The following LMTK2 variants were observed in gnomAD, a reference collection of about 807,000 sequenced individuals.
The protein encoded by LMTK2 is lemur tail kinase 2, also known as serine/threonine-protein kinase LMTK2.
Under a neutral mutation model 127.5 loss-of-function variants are expected in LMTK2, and 37 were observed. That is an observed-to-expected ratio of 0.29 (90% CI 0.22 to 0.38). The LOEUF (loss-of-function observed/expected upper bound fraction) is 0.38. LMTK2 is among the 10% of genes least tolerant of loss of function. LMTK2 has a pLI of 1.00. For missense variants in LMTK2, 1,694 were observed against 1,920.3 expected (o/e 0.88, Z 2.20); for synonymous variants, 819 against 810.1 (o/e 1.01, Z -0.19).
chr7:98,150,589 A>C lies in LMTK2; in HGVS notation c.377-793A>C, dbSNP rs1472536369. 3.9e-5 allele frequency among the ~76,000 whole-genome samples: 6 copies of C among 152,194 alleles called. No homozygotes were observed. In the East Asian group the frequency reaches 1.2e-3, roughly 29 times the overall value. On this transcript the variant is annotated intron_variant, in intron 3 of 13. Transcript: ENST00000297293. ...TAGCATCTTGATTTGTGATAGCCTC[A>C]ACCTGTAAATGACATGAATGTCTGT...
At chr7:98,202,272 CT>C (rs1447091226) in intron 11 of LMTK2, among the ~76,000 whole-genome samples, 1 of 152,152 alleles carries the variant, frequency 6.6e-6, no homozygotes, top group Non-Finnish European at 1.5e-5. Context: ...CTGAGTTTTG[CT>C]TTTTGTCATT....
At chr7:98,165,603 G>T (rs571640011) in intron 6 of LMTK2, among the ~76,000 whole-genome samples, 1 of 152,186 alleles carries the variant, frequency 6.6e-6, no homozygotes, top group Non-Finnish European at 1.5e-5. Context: ...CCGGCCCTGT[G>T]TACTTTTATA....
At chr7:98,184,542 T>G (rs1170295741) in intron 7 of LMTK2, among the ~76,000 whole-genome samples, 1 of 150,728 alleles carries the variant, frequency 6.6e-6, no homozygotes, top group East Asian at 2.2e-4. Flanking sequence ...TTAGAGTGTT[T>G]GAGTTGTTCT....
At chr7:98,113,085 G>A (rs115331620) in intron 1 of LMTK2, among the ~76,000 whole-genome samples, 241 of 152,208 alleles carry the variant, frequency 1.6e-3, no homozygotes, top group African/African-American at 5.5e-3. Flanking sequence ...GATATGGTTT[G>A]GCTGTTTCCT....
intron 1 of LMTK2, among the ~76,000 whole-genome samples, chr7:98,123,139 C>T (rs1796391345): frequency 6.7e-6 from 1 of 148,996 alleles, no homozygotes. Context: ...CAACGCCCTG[C>T]AGCTCTTTTA....
chr7:98,151,328 T>C (rs1796850386), intron 3 of LMTK2, 54 bp from the exon 4 acceptor site: 10 of 1,185,424 alleles, frequency 8.4e-6, no homozygotes, highest in Non-Finnish European at 9.7e-6. Context: ...TTATAGGTTA[T>C]ATATTTAATA....
chr7:98,140,830 G>A (rs1796686737), intron 2 of LMTK2, among the ~76,000 whole-genome samples: 1 of 150,798 alleles, frequency 6.6e-6, no homozygotes, highest in Non-Finnish European at 1.5e-5. Flanking sequence ...TGGAGCCTAA[G>A]ACAGGAGGAT....
At chr7:98,203,428 G>A (rs986853510) in intron 11 of LMTK2, 146 bp from the exon 12 acceptor site, 18 of 1,027,194 alleles carry the variant, frequency 1.8e-5, no homozygotes, top group Admixed American at 9.7e-5. Flanking sequence ...GTGTCTGTCC[G>A]TCCTCCCAGG....
At chr7:98,179,635 C>T (rs1199806480) in intron 7 of LMTK2, among the ~76,000 whole-genome samples, 1 of 139,154 alleles carries the variant, frequency 7.2e-6, no homozygotes, top group Non-Finnish European at 1.5e-5. Flanking sequence ...CCCTTTCTCC[C>T]TCCCTCCCTC....
intron 1 of LMTK2, among the ~76,000 whole-genome samples, chr7:98,126,222 C>T (rs542637219): frequency 4.6e-5 from 7 of 152,236 alleles, no homozygotes; most frequent in African/African-American, 1.4e-4. Context: ...GTTGGATTGA[C>T]GAAGTGTTGT....
chr7:98,109,375 T>G (rs1208415541), intron 1 of LMTK2, among the ~76,000 whole-genome samples: 2 of 152,100 alleles, frequency 1.3e-5, no homozygotes, highest in African/African-American at 4.8e-5. Flanking sequence ...TATTCTGATC[T>G]TTGTAGGATA....
chr7:98,165,601 G>A (rs1390354824), intron 6 of LMTK2, among the ~76,000 whole-genome samples: 1 of 152,220 alleles, frequency 6.6e-6, no homozygotes, highest in East Asian at 1.9e-4. Context: ...ACCCGGCCCT[G>A]TGTACTTTTA....
At chr7:98,135,954 G>A (rs1796589303) in intron 1 of LMTK2, among the ~76,000 whole-genome samples, 2 of 151,954 alleles carry the variant, frequency 1.3e-5, no homozygotes, top group South Asian at 4.1e-4. Flanking sequence ...GCAGGCCTCA[G>A]GCTGTAGTCT....
intron 9 of LMTK2, among the ~76,000 whole-genome samples, chr7:98,188,433 A>T (rs146845457): frequency 4.3e-4 from 66 of 151,976 alleles, no homozygotes; most frequent in Non-Finnish European, 8.7e-4. Flanking sequence ...GAAAGACTTT[A>T]TTTCTCCATT....
intron 1 of LMTK2, among the ~76,000 whole-genome samples, chr7:98,124,631 A>C (rs1260658746): frequency 3.9e-5 from 6 of 152,190 alleles, no homozygotes; most frequent in African/African-American, 1.4e-4. Flanking sequence ...ACAAAAAATT[A>C]AAAAATTATC....
chr7:98,205,668 G>A lies in LMTK2; in HGVS notation c.*176G>A, dbSNP rs1396359292. 2 of 698,808 alleles carry A rather than the reference G, an allele frequency of 2.9e-6. No individual in the cohort carries two copies. The highest frequency in any genetic ancestry group is 4.8e-6 in the Non-Finnish European group (2 of 415,138). 43.3% of individuals were successfully genotyped at this position (698,808 alleles called of 1,614,324 possible). ...TGCGTTCAAGGCGGGGCCCTCGGGA[G>A]CCCAGGTGCAGAGCGAGGCCGTGTC... On this transcript the variant is annotated 3_prime_UTR_variant, in exon 14 of 14. Transcript: ENST00000297293.
At chr7:98,114,381 AG>A (rs2116318736) in intron 1 of LMTK2, among the ~76,000 whole-genome samples, 1 of 152,028 alleles carries the variant, frequency 6.6e-6, no homozygotes, top group South Asian at 2.1e-4. Context: ...CTGGGACTAC[AG>A]GTGGATACCA....
rs376405767 is a variant in LMTK2, at chr7:98,141,522, G to T, written c.357G>T (p.Ser119=). 4 of 1,613,900 alleles carry T rather than the reference G, an allele frequency of 2.5e-6. No individual in the cohort carries two copies. The African/African-American group carries it at 5.3e-5, about 22-fold the overall frequency. ...CAAATATTTCACTCCCAGCTCCCTC[G>T]CAATTCCAGCCTTCTGTAGGTAAGA... ...SVPNISLPAP[S]QFQPSVEGLK... is the part of the protein sequence containing the mutation. The change falls in exon 3 of 14, where the codon TCG becomes TCT. Residue 119 remains serine, a synonymous_variant. Transcript: ENST00000297293.
chr7:98,187,257 C>G (rs1218153660), intron 9 of LMTK2, among the ~76,000 whole-genome samples: 1 of 152,194 alleles, frequency 6.6e-6, no homozygotes, highest in Non-Finnish European at 1.5e-5. Context: ...TATTCTGTGC[C>G]TCCCACAGGG....
Sources: allele counts gnomAD v4.1 joint callset (sites outside exome capture counted in the v4.1 genomes callset), GRCh38; gene constraint gnomAD v4.1.1; transcripts MANE v1.5; gene names NCBI Gene and HGNC (gene_info 2026-07-23, HGNC 2026-07-21).